ATG14: variants seen among roughly 807,000 people sequenced by gnomAD.
The protein encoded by ATG14 is autophagy related 14.
A neutral mutation model predicts 60.4 loss-of-function variants in ATG14; 35 were observed. That is an observed-to-expected ratio of 0.58 (90% CI 0.44 to 0.77). The LOEUF (loss-of-function observed/expected upper bound fraction) is 0.77. ATG14 is among the 30% of genes least tolerant of loss of function. The pLI, the probability that ATG14 is intolerant of heterozygous loss-of-function variation, is 0.00. For synonymous variants in ATG14, 234 were observed against 228.8 expected (o/e 1.02, Z -0.21); for missense variants, 647 against 626.3 (o/e 1.03, Z -0.35).
At chr14:55,381,025 G>C (rs1885025472) in intron 6 of ATG14, among the ~76,000 whole-genome samples, 1 of 151,816 alleles carries the variant, frequency 6.6e-6, no homozygotes, top group South Asian at 2.1e-4. Flanking sequence ...CCTCTCCAGA[G>C]AGGGCTCTCC....
intron 5 of ATG14, among the ~76,000 whole-genome samples, chr14:55,385,491 C>T (rs980957807): frequency 2.0e-5 from 3 of 152,216 alleles, no homozygotes; most frequent in Non-Finnish European, 4.4e-5. Context: ...CAGGGTTTTG[C>T]CATGTTGGCC....
At chr14:55,375,441 G>A (rs1157602744) in intron 9 of ATG14, among the ~76,000 whole-genome samples, 1 of 149,046 alleles carries the variant, frequency 6.7e-6, no homozygotes, top group Non-Finnish European at 1.5e-5. Context: ...TCCCACCTCA[G>A]CCTCCACAGC....
chr14:55,374,844 T>G (rs938651879), intron 9 of ATG14, among the ~76,000 whole-genome samples: 5 of 152,214 alleles, frequency 3.3e-5, no homozygotes, highest in African/African-American at 1.2e-4. Context: ...GGGACTATTT[T>G]CTTCCTCTAA....
intron 1 of ATG14, among the ~76,000 whole-genome samples, chr14:55,403,325 G>A (rs1315013284): frequency 1.3e-5 from 2 of 151,956 alleles, no homozygotes; most frequent in Non-Finnish European, 2.9e-5. Context: ...CTCAACTATA[G>A]AATCAGACCA....
chr14:55,404,854 G>T (rs190474461), intron 1 of ATG14, among the ~76,000 whole-genome samples: 2 of 152,270 alleles, frequency 1.3e-5, no homozygotes, highest in South Asian at 4.2e-4. Context: ...TATAACCCAG[G>T]AGTAAGTCAG....
At chr14:55,404,596 A>C (rs1008870028) in intron 1 of ATG14, among the ~76,000 whole-genome samples, 18 of 152,180 alleles carry the variant, frequency 1.2e-4, no homozygotes, top group Non-Finnish European at 2.5e-4. Flanking sequence ...ACAGGCCTTG[A>C]AAATATCTAG....
intron 4 of ATG14, 129 bp from the exon 5 acceptor site, chr14:55,386,225 T>C (rs1352547942): frequency 1.1e-5 from 8 of 747,644 alleles, no homozygotes; most frequent in Non-Finnish European, 1.7e-5. Flanking sequence ...AATAATATAA[T>C]GTTCACTAAG....
At chr14:55,402,333 T>C (rs771151532) in intron 1 of ATG14, among the ~76,000 whole-genome samples, 12 of 152,098 alleles carry the variant, frequency 7.9e-5, no homozygotes, top group Non-Finnish European at 1.8e-4. Flanking sequence ...TAATGTATTT[T>C]AAGAAAGGCA....
chr14:55,382,870 A>G lies in ATG14; in HGVS notation c.648-679T>C, dbSNP rs549526949. On this transcript the variant is annotated intron_variant, in intron 5 of 9. Transcript: ENST00000247178. Reference sequence around the variant, plus strand: ...TGTTTATATGGGTTAGATTACTGATACTGAATTAGAAATACTGAGAAAAAT... The same window carrying G: ...TGTTTATATGGGTTAGATTACTGATGCTGAATTAGAAATACTGAGAAAAAT... Among the ~76,000 whole-genome samples, 24 of 152,322 alleles carry G rather than the reference A, an allele frequency of 1.6e-4. No individual in the cohort carries two copies. The South Asian group carries it at 4.1e-3, about 26-fold the overall frequency.
chr14:55,383,152 G>A (rs1409442010), intron 5 of ATG14, among the ~76,000 whole-genome samples: 5 of 152,138 alleles, frequency 3.3e-5, no homozygotes, highest in Admixed American at 3.3e-4. Flanking sequence ...AGGGCCTTAC[G>A]CACGCGTCCC....
chr14:55,391,061 A>G, intron 3 of ATG14, 69 bp from the exon 4 acceptor site: 1 of 999,070 alleles, frequency 1.0e-6, no homozygotes, highest in South Asian at 1.5e-5. Flanking sequence ...TCTACCTGGG[A>G]TCACTGCTTA....
intron 1 of ATG14, among the ~76,000 whole-genome samples, chr14:55,398,905 C>T (rs773541987): frequency 4.0e-5 from 6 of 151,626 alleles, no homozygotes; most frequent in South Asian, 2.1e-4. Context: ...GTGGAGTGAA[C>T]GTGACCCACT....
intron 9 of ATG14, among the ~76,000 whole-genome samples, chr14:55,376,922 C>A (rs535644762): frequency 1.3e-5 from 2 of 152,314 alleles, no homozygotes; most frequent in South Asian, 4.1e-4. Context: ...ATAAAAAGAT[C>A]TCACACACCA....
intron 7 of ATG14, among the ~76,000 whole-genome samples, chr14:55,379,406 G>C (rs1207259085): frequency 2.0e-5 from 3 of 152,020 alleles, no homozygotes; most frequent in Admixed American, 2.0e-4. Context: ...GCCAGGTGTG[G>C]TAGCATGAAC....
At chr14:55,403,684 TCAA>T (rs912405759) in intron 1 of ATG14, among the ~76,000 whole-genome samples, 18 of 151,876 alleles carry the variant, frequency 1.2e-4, no homozygotes, top group Non-Finnish European at 1.0e-4. Flanking sequence ...AACAACAACA[TCAA>T]CAACAACAAC....
At chr14:55,374,914 T>C (rs1268778391) in intron 9 of ATG14, among the ~76,000 whole-genome samples, 1 of 152,242 alleles carries the variant, frequency 6.6e-6, no homozygotes, top group African/African-American at 2.4e-5. Context: ...TGCTATGTTT[T>C]AAATGGACCA....
chr14:55,385,378 G>A (rs1051477350), intron 5 of ATG14, among the ~76,000 whole-genome samples: 2 of 152,004 alleles, frequency 1.3e-5, no homozygotes, highest in South Asian at 2.1e-4. Flanking sequence ...CTGCGACCTC[G>A]GCCTCCTGGG....
intron 1 of ATG14, among the ~76,000 whole-genome samples, chr14:55,401,835 C>T (rs548689599): frequency 1.3e-5 from 2 of 152,252 alleles, no homozygotes; most frequent in African/African-American, 4.8e-5. Flanking sequence ...AAGCTGAGAC[C>T]TGAGGGTGAG....
Position 55,380,615 on chromosome 14 carries a change from G to T in ATG14, c.953C>A (p.Ser318Tyr). The T allele has an allele frequency of 6.2e-7, 1 of 1,613,280 alleles. No homozygotes were observed. Among genetic ancestry groups the T allele is most frequent in the South Asian group, 1.1e-5 (1 of 90,838 alleles). The change falls in exon 7 of 10, where the codon TCT becomes TAT. Residue 318 changes from serine to tyrosine, a missense_variant. Transcript: ENST00000247178. The stretch of plus-strand genomic sequence containing the variant: ...GGGAAGATTTACATCAAGTATATGA[G>T]ACAGAATGTTGACCAGCTGAGTTGC... Reference protein sequence around the residue: ...CYATQLVNILSHILDVNLPKK... With the variant: ...CYATQLVNILYHILDVNLPKK...
Sources: allele counts gnomAD v4.1 joint callset (sites outside exome capture counted in the v4.1 genomes callset), GRCh38; gene constraint gnomAD v4.1.1; transcripts MANE v1.5; gene names NCBI Gene and HGNC (gene_info 2026-07-23, HGNC 2026-07-21).